MARCHF4: variants seen among roughly 807,000 people sequenced by gnomAD.
MARCHF4 encodes the protein membrane associated ring-CH-type finger 4, also known as E3 ubiquitin-protein ligase MARCHF4.
In MARCHF4, 14 loss-of-function variants were observed where a neutral mutation model predicts 43.9. That is an observed-to-expected ratio of 0.32 (90% CI 0.21 to 0.50). The LOEUF (loss-of-function observed/expected upper bound fraction) is 0.50. Ranked by LOEUF, MARCHF4 falls within the 20% of genes least tolerant of loss-of-function variation. The probability of loss-of-function intolerance (pLI) is 0.98; values close to 1 mark genes in which losing one functional copy is unlikely to be tolerated. For synonymous variants in MARCHF4, 226 were observed against 213.3 expected, an observed-to-expected ratio of 1.06 and a Z score of -0.52; for missense variants, 468 against 536.7, an observed-to-expected ratio of 0.87 and a Z score of 1.27.
At chr2:216,309,636 A>C (rs903375635) in intron 1 of MARCHF4, among the ~76,000 whole-genome samples, 5 of 152,156 alleles carry the variant, frequency 3.3e-5, no homozygotes, top group Admixed American at 3.3e-4. Flanking sequence ...ATTGGAAAAA[A>C]CTATTTTAGT....
intron 2 of MARCHF4, among the ~76,000 whole-genome samples, chr2:216,281,468 A>G (rs1289255937): frequency 1.3e-5 from 2 of 152,170 alleles, no homozygotes; most frequent in African/African-American, 4.8e-5. Context: ...TGGGATTCCC[A>G]TCCATTGCTC....
At chr2:216,269,298 T>C (rs1690896225) in intron 3 of MARCHF4, among the ~76,000 whole-genome samples, 1 of 152,188 alleles carries the variant, frequency 6.6e-6, no homozygotes, top group African/African-American at 2.4e-5. Flanking sequence ...TCCTAATAAC[T>C]TGACCCAGTG....
rs181471052 is a variant in MARCHF4, at chr2:216,327,234, T to C, written c.516+42511A>G. On this transcript the variant is annotated intron_variant, in intron 1 of 3. Transcript: ENST00000273067. ...AGTTCAATACATTTTGACAAATCCA[T>C]GCCTCTTTTTGATAAAAGCCCCATG... Among the ~76,000 whole-genome samples, 214 of 152,288 alleles carry C rather than the reference T, an allele frequency of 1.4e-3. 2 individuals carry two copies. In the East Asian group the frequency reaches 0.036, roughly 25 times the overall value.
Position 216,286,978 on chromosome 2 carries a change from G to T in MARCHF4, c.517-3249C>A, listed in dbSNP as rs200267994. ...TATAAGAGATATCTCTGATTGAGGAGAAAGGTTAAATGACTCACTCAAGGT... is the reference window on the plus strand; with the variant it reads ...TATAAGAGATATCTCTGATTGAGGATAAAGGTTAAATGACTCACTCAAGGT... On this transcript the variant is annotated intron_variant, in intron 1 of 3. Transcript: ENST00000273067. Among the ~76,000 whole-genome samples, 65 of 152,316 alleles carry T rather than the reference G, an allele frequency of 4.3e-4. No individual in the cohort carries two copies. The East Asian group carries it at 8.3e-3, about 19-fold the overall frequency.
chr2:216,369,756 C>A lies in MARCHF4; in HGVS notation c.505G>T (p.Gly169Trp). The stretch of plus-strand genomic sequence containing the variant: ...AAAAGGGGACTCACCTGTTCTGGCC[C>A]CTGGAAGCAGATGCGGCAGAGTGGG... ...RTPLCRICFQ[G>W]PEQGELLSPC... The change falls in exon 1 of 4, where the codon GGG (glycine) becomes TGG (tryptophan). Residue 169 changes from glycine (G) to tryptophan (W), a missense_variant. Gly to Trp is a radical substitution (Grantham distance 184). Coordinates refer to ENST00000273067, the MANE Select transcript of MARCHF4 (RefSeq NM_020814.3). The A allele has an allele frequency of 6.3e-7, 1 of 1,592,180 alleles. No individual in the cohort carries two copies. Among genetic ancestry groups the A allele is most frequent in the Non-Finnish European group, 8.6e-7 (1 of 1,165,392 alleles).
In MARCHF4 at chr2:216,320,453, G is replaced by A. The variant is rs142657256; in HGVS notation, c.517-36724C>T. 2.6e-3 allele frequency among the ~76,000 whole-genome samples: 401 copies of A among 152,228 alleles called. 4 individuals carry two copies. Among genetic ancestry groups the A allele is most frequent in the East Asian group, 0.013 (68 of 5,174 alleles). ...TACAGATTGAAGCAACTGAGGCTTT[G>A]AGGCATGAAATCATTTACTTAAAAT... On this transcript the variant is annotated intron_variant, in intron 1 of 3. Coordinates refer to ENST00000273067, the MANE Select transcript of MARCHF4 (RefSeq NM_020814.3).
chr2:216,264,173 C>G (rs1345507742), intron 3 of MARCHF4, among the ~76,000 whole-genome samples: 2 of 152,188 alleles, frequency 1.3e-5, no homozygotes, highest in Non-Finnish European at 2.9e-5. Flanking sequence ...CCTCGCTCAA[C>G]AAGTCTTCAA....
At chr2:216,315,130 C>T (rs903490003) in intron 1 of MARCHF4, among the ~76,000 whole-genome samples, 1 of 152,024 alleles carries the variant, frequency 6.6e-6, no homozygotes, top group Non-Finnish European at 1.5e-5. Flanking sequence ...GGAAAAAGGT[C>T]AAGCAAATTC....
intron 1 of MARCHF4, among the ~76,000 whole-genome samples, chr2:216,293,570 TA>T (rs11317578): frequency 0.22 from 26,062 of 117,194 alleles, 3,073 homozygotes; most frequent in South Asian, 0.33. Context: ...CATTTCAATG[TA>T]AAAAAAAAAA....
At position 216,371,785 on chromosome 2, in the gene MARCHF4, G is replaced by C. The variant is rs1278450517; in HGVS notation, c.-1525C>G. On this transcript the variant is annotated 5_prime_UTR_variant, in exon 1 of 4. Transcript: ENST00000273067. ...CGGTTCTCAGGCAAGAGTGCTTCTG[G>C]AGGGTGGGGGCGGAGGAGGGCGGCT... 1 of 152,340 alleles carries C rather than the reference G, an allele frequency of 6.6e-6. No homozygotes were observed. Among genetic ancestry groups the C allele is most frequent in the Admixed American group, 6.5e-5 (1 of 15,288 alleles). The allele number at this position is 152,340 out of a possible 1,614,324, so 9.4% of individuals were successfully genotyped here. A position where few individuals can be genotyped will look rare whatever the true frequency, so the allele number is the denominator to read the frequency against.
intron 3 of MARCHF4, among the ~76,000 whole-genome samples, chr2:216,274,335 T>C (rs913706527): frequency 6.6e-6 from 1 of 152,160 alleles, no homozygotes; most frequent in East Asian, 1.9e-4. Context: ...GTGAATCTAA[T>C]GCCAAATGTG....
At chr2:216,369,414 C>A (rs563107323) in intron 1 of MARCHF4, among the ~76,000 whole-genome samples, 12 of 152,152 alleles carry the variant, frequency 7.9e-5, no homozygotes, top group Non-Finnish European at 1.8e-4. Flanking sequence ...ATCTTGGCAA[C>A]CAGTGTGAAT....
At chr2:216,263,562 A>G (rs1450589089) in intron 3 of MARCHF4, among the ~76,000 whole-genome samples, 63 of 151,130 alleles carry the variant, frequency 4.2e-4, no homozygotes, top group Admixed American at 2.0e-3. Flanking sequence ...AAAGAAGAAA[A>G]AGAAAGAAAG....
At chr2:216,263,557 AG>A (rs1690788336) in intron 3 of MARCHF4, among the ~76,000 whole-genome samples, 1 of 151,142 alleles carries the variant, frequency 6.6e-6, no homozygotes, top group Non-Finnish European at 1.5e-5. Flanking sequence ...GAGAGAAAGA[AG>A]AAAAAGAAAG....
At chr2:216,350,507 C>T (rs563459180) in intron 1 of MARCHF4, among the ~76,000 whole-genome samples, 2 of 151,108 alleles carry the variant, frequency 1.3e-5, no homozygotes, top group Admixed American at 1.3e-4. Flanking sequence ...TCATGCCACA[C>T]CATCACCACT....
intron 1 of MARCHF4, among the ~76,000 whole-genome samples, chr2:216,343,859 G>A (rs926360893): frequency 3.3e-5 from 5 of 152,198 alleles, no homozygotes; most frequent in Admixed American, 2.6e-4. Context: ...CAGAAGAGTA[G>A]CTAGAAGTAC....
chr2:216,302,332 C>T (rs1464548427), intron 1 of MARCHF4, among the ~76,000 whole-genome samples: 4 of 151,924 alleles, frequency 2.6e-5, no homozygotes, highest in South Asian at 2.1e-4. Flanking sequence ...CATTCTCCTG[C>T]CTCAGCCTCC....
At chr2:216,278,446 C>T (rs1996793) in intron 2 of MARCHF4, among the ~76,000 whole-genome samples, 10,885 of 152,156 alleles carry the variant, frequency 0.072, 463 homozygotes, top group South Asian at 0.17. Flanking sequence ...AGGATGGTCT[C>T]GATCTCCTGA....
In MARCHF4 at chr2:216,278,007, T is replaced by G. The variant is rs570525019; in HGVS notation, c.673-143A>C. On this transcript the variant is annotated intron_variant, in intron 2 of 3. Coordinates refer to ENST00000273067, the MANE Select transcript of MARCHF4 (RefSeq NM_020814.3). ...TCCAACCTGTGGTACAATGAGCATT[T>G]TGCAGGTTTCTGAATTTCACATTGA... 4.4e-6 allele frequency: 3 copies of G among 685,020 alleles called. No individual in the cohort carries two copies. In the African/African-American group the frequency reaches 5.4e-5, roughly 12 times the overall value. 42.4% of individuals were successfully genotyped at this position (685,020 alleles called of 1,614,324 possible).
Sources: gnomAD v4.1 joint callset for allele counts (sites outside exome capture counted in the v4.1 genomes callset) on GRCh38, gnomAD v4.1.1 for gene constraint, MANE v1.5 for transcripts, NCBI Gene and HGNC (gene_info 2026-07-23, HGNC 2026-07-21) for gene names.